TNN: variants seen among roughly 807,000 people sequenced by gnomAD.
The protein encoded by TNN is tenascin-N.
In TNN, 122 loss-of-function variants were observed where a neutral mutation model predicts 134.4. That is an observed-to-expected ratio of 0.91 (90% confidence interval 0.78 to 1.06). TNN has a LOEUF of 1.06. Ranked by LOEUF, TNN falls within the 50% of genes least tolerant of loss-of-function variation. The pLI, the probability that TNN is intolerant of heterozygous loss-of-function variation, is 0.00. For missense variants in TNN, 1,739 were observed against 1,699.4 expected (o/e 1.02, Z -0.41); for synonymous variants, 710 against 670.3 (o/e 1.06, Z -0.91).
intron 1 of TNN, among the ~76,000 whole-genome samples, chr1:175,077,108 C>G (rs1052674903): frequency 8.5e-5 from 13 of 152,138 alleles, no homozygotes; most frequent in African/African-American, 2.9e-4. Context: ...AAGAGAGCTG[C>G]TCTTCTTATT....
At chr1:175,118,405 A>T (rs1293024761) in intron 10 of TNN, among the ~76,000 whole-genome samples, 156 bp from the exon 11 acceptor site, 1 of 152,190 alleles carries the variant, frequency 6.6e-6, no homozygotes. Context: ...TTGGGGGAGA[A>T]GATGATGTCC....
Position 175,118,584 on chromosome 1 carries a change from G to A in TNN, c.2410G>A (p.Val804Ile), listed in dbSNP as rs1675252080. ...QTDIDSPQNL[V>I]TDWVTENTAT... ...AGACATTGACAGCCCCCAAAACCTG[G>A]TCACTGACTGGGTGACAGAGAATAC... Residue 804 changes from valine to isoleucine, a missense_variant, in exon 11 of 19, where the codon GTC becomes ATC. Val to Ile is a conservative substitution (Grantham distance 29, BLOSUM62 3). Coordinates refer to ENST00000239462, the MANE Select transcript of TNN (RefSeq NM_022093.2). 3.7e-6 allele frequency: 6 copies of A among 1,613,868 alleles called. No individual in the cohort carries two copies. Among genetic ancestry groups the A allele is most frequent in the Non-Finnish European group, 4.2e-6 (5 of 1,179,956 alleles).
intron 1 of TNN, among the ~76,000 whole-genome samples, chr1:175,072,048 C>A (rs1417435536): frequency 6.6e-6 from 1 of 152,162 alleles, no homozygotes; most frequent in African/African-American, 2.4e-5. Context: ...CAACATTTGG[C>A]TGGAAATTAA....
intron 9 of TNN, among the ~76,000 whole-genome samples, chr1:175,115,951 T>C (rs1265272663): frequency 3.9e-5 from 6 of 152,206 alleles, no homozygotes; most frequent in Admixed American, 3.9e-4. Flanking sequence ...GGGGTCCCAG[T>C]GTTTCCTTCT....
At position 175,083,745 on chromosome 1, in the gene TNN, C is replaced by T; in HGVS notation, c.1049-5C>T. 3.7e-6 allele frequency: 6 copies of T among 1,613,820 alleles called. No individual in the cohort carries two copies. Among genetic ancestry groups the T allele is most frequent in the Non-Finnish European group, 5.1e-6 (6 of 1,179,854 alleles). On this transcript the variant is annotated splice_polypyrimidine_tract_variant and splice_region_variant and intron_variant, in intron 4 of 18. Transcript: ENST00000239462. Reference sequence around the variant, plus strand: ...TTTCTCTTGCCTCCGTCACCCCTGCCCTAGACCTTGCTGTGCTTGGCACTG... The same window carrying T: ...TTTCTCTTGCCTCCGTCACCCCTGCTCTAGACCTTGCTGTGCTTGGCACTG...
chr1:175,107,656 GC>G (rs1231723617), intron 9 of TNN, among the ~76,000 whole-genome samples: 1 of 139,842 alleles, frequency 7.2e-6, no homozygotes. Context: ...GGTTGCCAAT[GC>G]TGGCTCGGGC....
In TNN at chr1:175,083,773, T is replaced by C; in HGVS notation, c.1072T>C (p.Trp358Arg). The C allele has an allele frequency of 1.9e-6, 3 of 1,614,200 alleles. No individual in the cohort carries two copies. Among genetic ancestry groups the C allele is most frequent in the Non-Finnish European group, 2.5e-6 (3 of 1,180,024 alleles). The change falls in exon 5 of 19, where the codon TGG becomes CGG. Residue 358 changes from tryptophan to arginine, a missense_variant. By Grantham distance (101) the Trp-to-Arg change is moderately radical. Transcript: ENST00000239462. ...TTDLAVLGTA[W>R]VTDETENSLD... is the part of the protein sequence containing the mutation. ...AGACCTTGCTGTGCTTGGCACTGCC[T>C]GGGTGACAGATGAGACTGAGAACTC...
intron 4 of TNN, among the ~76,000 whole-genome samples, chr1:175,081,268 T>C (rs770178842): frequency 2.0e-5 from 3 of 152,258 alleles, no homozygotes; most frequent in Admixed American, 6.5e-5. Context: ...TTAGCATCAC[T>C]GCTTACTCTT....
At position 175,136,869 on chromosome 1, in the gene TNN, A is replaced by C. The variant is rs1675824910; in HGVS notation, c.3476A>C (p.Glu1159Ala). The change falls in exon 17 of 19, where the codon GAG (glutamate) becomes GCG (alanine). Residue 1159 changes from glutamate to alanine, a missense_variant. Physicochemically the swap from Glu to Ala is moderately radical, Grantham distance 107. Transcript: ENST00000239462. ...NLTTGTPARY[E>A]VRVDLQTANE... is the part of the protein sequence containing the mutation. ...ACCACCGGCACTCCAGCGCGGTATG[A>C]GGTGAGAGTGGATTTACAGACTGCC... The C allele has an allele frequency of 6.2e-7, 1 of 1,614,042 alleles. No homozygotes were observed. Among genetic ancestry groups the C allele is most frequent in the Non-Finnish European group, 8.5e-7 (1 of 1,180,018 alleles).
Position 175,118,924 on chromosome 1 carries a change from G to C in TNN, c.2650+100G>C. On this transcript the variant is annotated intron_variant, in intron 11 of 18. Coordinates refer to ENST00000239462, the MANE Select transcript of TNN (RefSeq NM_022093.2). Reference sequence around the variant, plus strand: ...GCTGCTTTTGGCATCTGTAACCTCAGGGCTGCAGACTGTTTTAGGAGAGTT... The same window carrying C: ...GCTGCTTTTGGCATCTGTAACCTCACGGCTGCAGACTGTTTTAGGAGAGTT... 2.7e-6 allele frequency: 4 copies of C among 1,463,330 alleles called. No homozygotes were observed. The South Asian group carries it at 3.7e-5, about 14-fold the overall frequency. 90.6% of individuals were successfully genotyped at this position (1,463,330 alleles called of 1,614,324 possible).
chr1:175,099,653 G>A (rs984000667), intron 9 of TNN, among the ~76,000 whole-genome samples: 2 of 151,658 alleles, frequency 1.3e-5, no homozygotes, highest in African/African-American at 2.4e-5. Context: ...GAGAGGTGAG[G>A]GGTCAGGAGG....
At position 175,142,143 on chromosome 1, in the gene TNN, G is replaced by A. The variant is rs144519429; in HGVS notation, c.3596-2244G>A. Among the ~76,000 whole-genome samples the A allele has an allele frequency of 6.9e-4, 105 of 152,328 alleles. 1 individual carries two copies. Among genetic ancestry groups the A allele is most frequent in the African/African-American group, 2.3e-3 (95 of 41,584 alleles). On this transcript the variant is annotated intron_variant, in intron 17 of 18. Coordinates refer to ENST00000239462, the MANE Select transcript of TNN (RefSeq NM_022093.2). ...AAAGTCTAGAGGGAGGCGGAAATGTGTATGACTAGCATGACAATATACCTT... is the reference window on the plus strand; with the variant it reads ...AAAGTCTAGAGGGAGGCGGAAATGTATATGACTAGCATGACAATATACCTT...
intron 9 of TNN, among the ~76,000 whole-genome samples, chr1:175,108,250 C>A (rs1674911286): frequency 6.6e-6 from 1 of 152,072 alleles, no homozygotes; most frequent in African/African-American, 2.4e-5. Flanking sequence ...CAAGGCCCCA[C>A]CAGAGCAGCT....
intron 9 of TNN, among the ~76,000 whole-genome samples, chr1:175,099,611 CAGG>C (rs1674667166): frequency 1.0e-5 from 1 of 95,938 alleles, no homozygotes; most frequent in South Asian, 3.3e-4. Context: ...GGTGAGGGGT[CAGG>C]AGGAGGAGAG....
chr1:175,090,604 A>G (rs4543755), intron 6 of TNN, among the ~76,000 whole-genome samples: 83,377 of 152,036 alleles, frequency 0.55, 23,457 homozygotes, highest in African/African-American at 0.69. Context: ...TGTGGACAGG[A>G]GCTTTCGGAT....
intron 9 of TNN, among the ~76,000 whole-genome samples, chr1:175,101,286 T>A (rs951379977): frequency 2.0e-5 from 3 of 152,038 alleles, no homozygotes; most frequent in African/African-American, 7.2e-5. Context: ...CGGTGAGTGT[T>A]ACAGCTCTTA....
intron 1 of TNN, among the ~76,000 whole-genome samples, chr1:175,072,924 G>A (rs772052018): frequency 1.2e-3 from 157 of 135,082 alleles, no homozygotes; most frequent in Non-Finnish European, 2.1e-3. Flanking sequence ...AAGAGTCCAC[G>A]GCTTTTTTTT....
At chr1:175,110,654 T>C (rs543519816) in intron 9 of TNN, among the ~76,000 whole-genome samples, 2 of 152,392 alleles carry the variant, frequency 1.3e-5, no homozygotes, top group East Asian at 3.9e-4. Flanking sequence ...TCTTGGTTAC[T>C]TGTCAAAAAT....
Position 175,091,696 on chromosome 1 carries a change from C to A in TNN, c.1325-2294C>A, listed in dbSNP as rs566503963. ...CTCTGCCTTCCAGGTTCAAGCCATT[C>A]TCGTGCCTCAGCCTCCCGAGTAGCT... On this transcript the variant is annotated intron_variant, in intron 6 of 18. Coordinates refer to ENST00000239462, the MANE Select transcript of TNN (RefSeq NM_022093.2). Among the ~76,000 whole-genome samples, 11 of 152,104 alleles carry A rather than the reference C, an allele frequency of 7.2e-5. 1 individual carries two copies. In the South Asian group the frequency reaches 2.3e-3, roughly 32 times the overall value.
Sources: allele counts gnomAD v4.1 joint callset (sites outside exome capture counted in the v4.1 genomes callset), GRCh38; gene constraint gnomAD v4.1.1; transcripts MANE v1.5; gene names NCBI Gene and HGNC (gene_info 2026-07-23, HGNC 2026-07-21).